Variants in TMEM117 observed in about 807,000 individuals in gnomAD.
The protein encoded by TMEM117 is transmembrane protein 117.
Under a neutral mutation model 52.4 loss-of-function variants are expected in TMEM117, and 27 were observed. The ratio of observed to expected loss-of-function variants is 0.51; its 90% CI spans 0.38 to 0.71. The LOEUF (loss-of-function observed/expected upper bound fraction) is 0.71. Ranked by LOEUF, TMEM117 falls within the 30% of genes least tolerant of loss-of-function variation. The pLI, the probability that TMEM117 is intolerant of heterozygous loss-of-function variation, is 0.00. For missense variants in TMEM117, 556 were observed against 630.5 expected, an observed-to-expected ratio of 0.88 and a Z score of 1.26; for synonymous variants, 215 against 206.3, an observed-to-expected ratio of 1.04 and a Z score of -0.36.
intron 4 of TMEM117, among the ~76,000 whole-genome samples, chr12:44,195,650 A>T (rs570515021): frequency 6.7e-6 from 1 of 148,580 alleles, no homozygotes; most frequent in African/African-American, 2.5e-5. Context: ...AGCAAAATAG[A>T]CTTTTGACAG....
chr12:44,000,276 G>C (rs560880734), intron 3 of TMEM117, among the ~76,000 whole-genome samples: 49 of 152,166 alleles, frequency 3.2e-4, no homozygotes, highest in Non-Finnish European at 6.3e-4. Context: ...CTCTTGGATA[G>C]GTCTGGGGAA....
At chr12:43,996,334 A>T (rs1404623692) in intron 3 of TMEM117, among the ~76,000 whole-genome samples, 1 of 152,146 alleles carries the variant, frequency 6.6e-6, no homozygotes, top group African/African-American at 2.4e-5. Context: ...ACTGAAACGT[A>T]TCATTAAAAT....
intron 2 of TMEM117, among the ~76,000 whole-genome samples, chr12:43,856,916 C>T (rs76048883): frequency 0.022 from 3,395 of 152,282 alleles, 76 homozygotes; most frequent in East Asian, 0.067. Flanking sequence ...TTCCCAGGAA[C>T]ACCCTTCTTC....
At chr12:43,839,457 C>T (rs1036192508) in intron 1 of TMEM117, among the ~76,000 whole-genome samples, 5 of 152,180 alleles carry the variant, frequency 3.3e-5, no homozygotes, top group Non-Finnish European at 7.3e-5. Flanking sequence ...TCTAAATGTG[C>T]ACCCAACAAT....
At chr12:44,360,345 C>T (rs192535327) in intron 6 of TMEM117, among the ~76,000 whole-genome samples, 2 of 151,950 alleles carry the variant, frequency 1.3e-5, no homozygotes, top group African/African-American at 4.8e-5. Flanking sequence ...TTTGGGAGGC[C>T]GAGGTGGAAG....
intron 5 of TMEM117, among the ~76,000 whole-genome samples, chr12:44,268,386 C>T (rs1416072023): frequency 1.3e-5 from 2 of 151,968 alleles, no homozygotes; most frequent in African/African-American, 4.8e-5. Context: ...TCAGGTGATC[C>T]ACCCGCCTCG....
the TMEM117 span, among the ~76,000 whole-genome samples, chr12:44,398,677 C>CG: frequency 1.3e-5 from 2 of 152,148 alleles, no homozygotes; most frequent in Non-Finnish European, 2.9e-5. Flanking sequence ...ACTGGGACAC[C>CG]GCTGGATTTT....
At chr12:44,307,420 T>C (rs973983833) in intron 6 of TMEM117, among the ~76,000 whole-genome samples, 3 of 152,240 alleles carry the variant, frequency 2.0e-5, no homozygotes, top group Non-Finnish European at 2.9e-5. Context: ...TCTTTACATG[T>C]GTTTAACATC....
intron 2 of TMEM117, among the ~76,000 whole-genome samples, chr12:43,863,139 C>T (rs12307180): frequency 0.1 from 15,689 of 151,724 alleles, 2,424 homozygotes; most frequent in African/African-American, 0.34. Context: ...CCAGCTACTC[C>T]GGAGCCTGAG....
chr12:43,830,720 G>C, the TMEM117 span, among the ~76,000 whole-genome samples: 1 of 152,102 alleles, frequency 6.6e-6, no homozygotes, highest in Non-Finnish European at 1.5e-5. Flanking sequence ...AACTCTGTGG[G>C]ACATGAAGAA....
chr12:44,070,472 G>A (rs1947285287), intron 3 of TMEM117, among the ~76,000 whole-genome samples: 2 of 152,168 alleles, frequency 1.3e-5, no homozygotes, highest in African/African-American at 2.4e-5. Context: ...AGTTGGGGGT[G>A]GATATTGGGT....
the TMEM117 span, chr12:43,797,709 A>C: frequency 6.2e-7 from 1 of 1,611,584 alleles, no homozygotes; most frequent in Non-Finnish European, 8.5e-7. Context: ...ATCTCTTACC[A>C]ACTGCACATA....
At chr12:44,271,676 A>T (rs1229747897) in intron 5 of TMEM117, among the ~76,000 whole-genome samples, 6 of 152,068 alleles carry the variant, frequency 3.9e-5, no homozygotes, top group Admixed American at 3.9e-4. Flanking sequence ...GAAATGTTCC[A>T]TTATATTCTG....
At chr12:44,327,567 TG>T (rs1418342613) in intron 6 of TMEM117, among the ~76,000 whole-genome samples, 2 of 152,238 alleles carry the variant, frequency 1.3e-5, no homozygotes, top group Non-Finnish European at 2.9e-5. Context: ...AAAGAGAATG[TG>T]CATAGTTAAC....
chr12:44,313,858 G>C (rs1951021231), intron 6 of TMEM117, among the ~76,000 whole-genome samples: 1 of 151,742 alleles, frequency 6.6e-6, no homozygotes, highest in South Asian at 2.1e-4. Flanking sequence ...TTTTTGTGTG[G>C]GTGGGTATTG....
chr12:44,147,148 C>T (rs974847776), intron 4 of TMEM117, among the ~76,000 whole-genome samples: 15 of 152,200 alleles, frequency 9.9e-5, no homozygotes, highest in African/African-American at 2.2e-4. Flanking sequence ...GTAAGAAATA[C>T]GTAAAGTGCT....
intron 3 of TMEM117, among the ~76,000 whole-genome samples, chr12:43,954,690 T>A (rs1945279363): frequency 6.6e-6 from 1 of 151,686 alleles, no homozygotes; most frequent in Non-Finnish European, 1.5e-5. Flanking sequence ...AGGTCCAGAA[T>A]TCTACCAGAG....
chr12:44,322,914 A>G (rs1951151340), intron 6 of TMEM117, among the ~76,000 whole-genome samples: 1 of 152,198 alleles, frequency 6.6e-6, no homozygotes, highest in Non-Finnish European at 1.5e-5. Context: ...TTATACTAGA[A>G]TTAGGTTTGC....
intron 4 of TMEM117, among the ~76,000 whole-genome samples, chr12:44,166,941 G>C (rs1002429676): frequency 3.3e-5 from 5 of 152,174 alleles, no homozygotes; most frequent in African/African-American, 1.2e-4. Flanking sequence ...GTAGCTCAGT[G>C]TTATTCCTTA....
Sources: allele counts gnomAD v4.1 joint callset (sites outside exome capture counted in the v4.1 genomes callset), GRCh38; gene constraint gnomAD v4.1.1; transcripts MANE v1.5; gene names NCBI Gene and HGNC (gene_info 2026-07-23, HGNC 2026-07-21).